The following FLT1 variants were observed in gnomAD, a reference collection of about 807,000 sequenced individuals.
FLT1 encodes the protein fms related receptor tyrosine kinase 1.
A neutral mutation model predicts 156.3 loss-of-function variants in FLT1; 49 were observed. That is an observed-to-expected ratio of 0.31 (90% CI 0.25 to 0.40). The LOEUF (loss-of-function observed/expected upper bound fraction) is 0.40. Ranked by LOEUF, FLT1 falls within the 10% of genes least tolerant of loss-of-function variation. The pLI is 1.00. For missense variants in FLT1, 1,322 were observed against 1,637.2 expected, an observed-to-expected ratio of 0.81 and a Z score of 3.32; for synonymous variants, 594 against 583.8, an observed-to-expected ratio of 1.02 and a Z score of -0.25.
intron 3 of FLT1, among the ~76,000 whole-genome samples, chr13:28,463,813 T>TGA (rs1403151200): frequency 2.0e-5 from 3 of 152,116 alleles, no homozygotes; most frequent in African/African-American, 4.8e-5. Context: ...AATAAAATAA[T>TGA]GAGAGAGAGA....
intron 1 of FLT1, among the ~76,000 whole-genome samples, chr13:28,468,386 C>T (rs1236685068): frequency 6.6e-6 from 1 of 152,152 alleles, no homozygotes; most frequent in East Asian, 1.9e-4. Flanking sequence ...CCATATGATG[C>T]AATAATGACA....
At chr13:28,468,591 G>A (rs1879977926) in intron 1 of FLT1, among the ~76,000 whole-genome samples, 1 of 152,196 alleles carries the variant, frequency 6.6e-6, no homozygotes, top group Admixed American at 6.5e-5. Flanking sequence ...CTCAATGTTG[G>A]AGGTGGGGCC....
At chr13:28,473,784 A>AGG (rs1880359134) in intron 1 of FLT1, among the ~76,000 whole-genome samples, 3 of 93,806 alleles carry the variant, frequency 3.2e-5, no homozygotes, top group South Asian at 7.6e-4. Flanking sequence ...GAAGGAAAGA[A>AGG]AGAAAGAAAG....
intron 11 of FLT1, chr13:28,399,210 C>A: frequency 1.3e-6 from 1 of 771,658 alleles, no homozygotes; most frequent in South Asian, 2.5e-5. Context: ...GCAAAAAATT[C>A]AGAAACAAGG....
At chr13:28,317,732 A>G (rs1025076155) in intron 24 of FLT1, 135 bp from the exon 25 acceptor site, 1 of 702,880 alleles carries the variant, frequency 1.4e-6, no homozygotes, top group South Asian at 1.5e-5. Context: ...ATTACAACAG[A>G]TCTCAACATA....
At chr13:28,418,509 AG>A (rs1301101352) in intron 10 of FLT1, among the ~76,000 whole-genome samples, 1 of 152,188 alleles carries the variant, frequency 6.6e-6, no homozygotes, top group Non-Finnish European at 1.5e-5. Flanking sequence ...ATGTCCTCTG[AG>A]GAGTCCTATG....
rs115930320 is a variant in FLT1 at position 28,362,960 on chromosome 13, C to T, written c.2117-5275G>A. Reference sequence around the variant, plus strand: ...TTCCCCATCAGATAGGCCACTCAGACGCTCAGAACTGTCATCAGGCCCTTG... The same window carrying T: ...TTCCCCATCAGATAGGCCACTCAGATGCTCAGAACTGTCATCAGGCCCTTG... On this transcript the variant is annotated intron_variant, in intron 14 of 29. Coordinates refer to ENST00000282397, the MANE Select transcript of FLT1 (RefSeq NM_002019.4). Among the ~76,000 whole-genome samples, 1,262 of 152,286 alleles carry T rather than the reference C, an allele frequency of 8.3e-3. 14 individuals carry two copies. The highest frequency in any genetic ancestry group is 0.026 in the African/African-American group (1,097 of 41,566).
intron 28 of FLT1, among the ~76,000 whole-genome samples, chr13:28,307,590 T>C (rs1018137422): frequency 3.9e-5 from 6 of 152,060 alleles, no homozygotes; most frequent in African/African-American, 1.4e-4. Flanking sequence ...TTTTGATGCT[T>C]AAAATATTTA....
chr13:28,313,976 C>T (rs140585322), intron 25 of FLT1, among the ~76,000 whole-genome samples: 14 of 151,518 alleles, frequency 9.2e-5, no homozygotes, highest in African/African-American at 3.4e-4. Context: ...GTGGGACAAT[C>T]GTTTGAGGTC....
At chr13:28,387,813 A>AAC in intron 13 of FLT1, 4 of 1,055,644 alleles carry the variant, frequency 3.8e-6, no homozygotes, top group South Asian at 4.6e-5. Flanking sequence ...TTCTTTAAAA[A>AAC]AAAAAAAAAA....
chr13:28,477,097 T>C (rs1398396846), intron 1 of FLT1, among the ~76,000 whole-genome samples: 1 of 152,196 alleles, frequency 6.6e-6, no homozygotes, highest in African/African-American at 2.4e-5. Context: ...CAGGAAAAAA[T>C]GCTCTAATAA....
chr13:28,410,350 T>G (rs546775172), intron 10 of FLT1, among the ~76,000 whole-genome samples: 1 of 152,168 alleles, frequency 6.6e-6, no homozygotes, highest in Non-Finnish European at 1.5e-5. Flanking sequence ...GTGGTTCTCT[T>G]GTGAGGAAAT....
At chr13:28,427,951 T>G in intron 8 of FLT1, 30 bp from the exon 9 acceptor site, 1 of 1,596,216 alleles carries the variant, frequency 6.3e-7, no homozygotes, top group East Asian at 2.2e-5. Context: ...CAGTAAGTCA[T>G]TTCACACGGC....
Position 28,384,836 on chromosome 13 carries a change from G to A in FLT1, c.2116+49C>T, listed in dbSNP as rs372755548. On this transcript the variant is annotated intron_variant, in intron 14 of 29. Transcript: ENST00000282397. ...GACGGGACTGTTAAGGGAAAGGGGG[G>A]CTGATGAAAGATGAGAAATAATAAA... 6.4e-5 allele frequency: 100 copies of A among 1,561,400 alleles called. No homozygotes were observed. In the African/African-American group the frequency reaches 7.7e-4, roughly 12 times the overall value.
At chr13:28,307,684 C>G (rs1005322941) in intron 28 of FLT1, among the ~76,000 whole-genome samples, 1 of 148,504 alleles carries the variant, frequency 6.7e-6, no homozygotes, top group Non-Finnish European at 1.5e-5. Flanking sequence ...GGTGACTGTG[C>G]TTGCTTCAAG....
intron 1 of FLT1, 59 bp from the exon 2 acceptor site, chr13:28,467,676 G>T (rs1299425305): frequency 4.4e-6 from 4 of 918,224 alleles, no homozygotes; most frequent in African/African-American, 1.7e-5. Context: ...CTTTTTTTAA[G>T]TTATCTTTCC....
intron 1 of FLT1, among the ~76,000 whole-genome samples, chr13:28,471,022 A>G (rs1435368126): frequency 6.6e-6 from 1 of 152,148 alleles, no homozygotes; most frequent in African/African-American, 2.4e-5. Context: ...TCTCTTAGAC[A>G]GTGTGCCCTC....
chr13:28,328,364 G>T (rs892281352), intron 19 of FLT1: 1 of 152,282 alleles, frequency 6.6e-6, no homozygotes, highest in Admixed American at 6.5e-5. Context: ...CACTCTGAAG[G>T]CCTCCTCTCT....
chr13:28,410,690 A>G (rs1382062153), intron 10 of FLT1, among the ~76,000 whole-genome samples: 4 of 152,220 alleles, frequency 2.6e-5, no homozygotes, highest in Non-Finnish European at 5.9e-5. Context: ...AGCTGCTACT[A>G]TGTGCTACTA....
Sources: allele counts gnomAD v4.1 joint callset (sites outside exome capture counted in the v4.1 genomes callset), GRCh38; gene constraint gnomAD v4.1.1; transcripts MANE v1.5; gene names NCBI Gene and HGNC (gene_info 2026-07-23, HGNC 2026-07-21).